The following MPP3 variants were observed in gnomAD, a reference collection of about 807,000 sequenced individuals.
The protein encoded by MPP3 is MAGUK p55 scaffold protein 3.
Under a neutral mutation model 80.7 loss-of-function variants are expected in MPP3, and 48 were observed. The observed-to-expected ratio is 0.59, with a 90% confidence interval of 0.47 to 0.76. The LOEUF (loss-of-function observed/expected upper bound fraction) is 0.76. Ranked by LOEUF, MPP3 falls within the 30% of genes least tolerant of loss-of-function variation. MPP3 has a pLI of 0.00. For missense variants in MPP3, 620 were observed against 763.0 expected, an observed-to-expected ratio of 0.81 and a Z score of 2.21; for synonymous variants, 311 against 297.6, an observed-to-expected ratio of 1.04 and a Z score of -0.46.
Position 43,830,126 on chromosome 17 carries a change from G to T in MPP3, c.223-19C>A, listed in dbSNP as rs191175863. 32 of 1,510,946 alleles carry T rather than the reference G, an allele frequency of 2.1e-5. No individual in the cohort carries two copies. Among genetic ancestry groups the T allele is most frequent in the African/African-American group, 1.4e-5 (1 of 71,620 alleles). 93.6% of individuals were successfully genotyped at this position (1,510,946 alleles called of 1,614,324 possible). Reference sequence around the variant, plus strand: ...CCATCACCTGCAGAGAATGAGACAGGCGCCACTGATGGCTAGAGGTGCCCC... The same window carrying T: ...CCATCACCTGCAGAGAATGAGACAGTCGCCACTGATGGCTAGAGGTGCCCC... On this transcript the variant is annotated intron_variant, in intron 5 of 19. Transcript: ENST00000398389.
rs1341628948 is a variant in MPP3 at position 43,814,311 on chromosome 17, A to G, written c.1060T>C (p.Ser354Pro). The G allele has an allele frequency of 6.2e-7, 1 of 1,611,344 alleles. No homozygotes were observed. The change falls in exon 15 of 20, where the codon TCG (serine) becomes CCG (proline). Residue 354 changes from serine to proline, a missense_variant. Ser to Pro is a moderately conservative substitution (Grantham distance 74, BLOSUM62 -1). Coordinates refer to ENST00000398389, the MANE Select transcript of MPP3 (RefSeq NM_001932.6). ...RLGCRERLGG[S>P]QEGKMSSGAE... ...CCGGAGGACATCTTTCCTTCCTGCG[A>G]GCCACCCAGTCTCTCCCTACAGCCC... is the stretch of plus-strand genomic sequence containing the variant.
chr17:43,818,723 G>A (rs994953483), intron 11 of MPP3, among the ~76,000 whole-genome samples: 3 of 152,004 alleles, frequency 2.0e-5, no homozygotes, highest in South Asian at 2.1e-4. Context: ...TCAGGAGTTC[G>A]AGACCAGCCT....
Position 43,816,294 on chromosome 17 carries a change from C to G in MPP3, c.968-215G>C, listed in dbSNP as rs923055017. ...TTAGGCCCCTAACAGCCTTTCCAGG[C>G]CCTGAGGGGGATTCTAGGCCAGCAG... On this transcript the variant is annotated intron_variant, in intron 13 of 19. Coordinates refer to ENST00000398389, the MANE Select transcript of MPP3 (RefSeq NM_001932.6). 3.9e-5 allele frequency among the ~76,000 whole-genome samples: 6 copies of G among 152,214 alleles called. No individual in the cohort carries two copies. In the East Asian group the frequency reaches 1.2e-3, roughly 29 times the overall value.
chr17:43,819,499 C>A (rs575017958), intron 11 of MPP3, among the ~76,000 whole-genome samples: 119 of 152,342 alleles, frequency 7.8e-4, no homozygotes, highest in African/African-American at 2.8e-3. Flanking sequence ...GAGGGCGCAG[C>A]CTCCTAATAT....
chr17:43,815,998 G>C (rs1421924345), intron 14 of MPP3, 40 bp downstream of exon 14: 14 of 1,464,370 alleles, frequency 9.6e-6, no homozygotes, highest in Non-Finnish European at 1.3e-5. Context: ...GCCTTGGGTG[G>C]GGCAGGTCGT....
At chr17:43,826,601 G>A (rs1345055737) in intron 8 of MPP3, among the ~76,000 whole-genome samples, 1 of 152,060 alleles carries the variant, frequency 6.6e-6, no homozygotes, top group Non-Finnish European at 1.5e-5. Flanking sequence ...CCACACACCG[G>A]TGATTCTCAA....
chr17:43,828,503 A>T (rs2045817392), intron 7 of MPP3, among the ~76,000 whole-genome samples: 1 of 152,214 alleles, frequency 6.6e-6, no homozygotes, highest in Non-Finnish European at 1.5e-5. Context: ...AAGCATGTGG[A>T]CTTAACAAGG....
chr17:43,811,068 C>CTT (rs770435903), intron 17 of MPP3, 44 bp downstream of exon 17: 1 of 1,567,312 alleles, frequency 6.4e-7, no homozygotes, highest in Non-Finnish European at 8.8e-7. Flanking sequence ...GATACAAAAA[C>CTT]ACACAACTGC....
rs527564895 is a variant in MPP3 at position 43,827,812 on chromosome 17, G to T, written c.462C>A (p.Asp154Glu). The change falls in exon 8 of 20, where the codon GAC becomes GAA. Residue 154 changes from aspartate (D) to glutamate (E), a missense_variant. Coordinates refer to ENST00000398389, the MANE Select transcript of MPP3 (RefSeq NM_001932.6). ...KEPLGATIRR[D>E]EHSGAVVVAR... The stretch of plus-strand genomic sequence containing the variant: ...CCACCACAACAGCCCCTGAGTGCTC[G>T]TCCCGCCGGATGGTGGCACCCTGAA... 23 of 1,613,168 alleles carry T rather than the reference G, an allele frequency of 1.4e-5. No homozygotes were observed. The South Asian group carries it at 2.2e-4, about 15-fold the overall frequency.
chr17:43,816,722 G>A (rs758937609), intron 12 of MPP3, 25 bp from the exon 13 acceptor site: 146 of 1,569,504 alleles, frequency 9.3e-5, no homozygotes, highest in Non-Finnish European at 1.2e-4. Context: ...AAAGACAGAT[G>A]GAACAGCATT....
At position 43,831,244 on chromosome 17, in the gene MPP3, G is replaced by T. The variant is rs781105702; in HGVS notation, c.222C>A (p.Asp74Glu). ...VLHSAVALAE[D>E]VMEELQAASV... is the part of the protein sequence containing the mutation. ...CTGTAAGGAGAAACCTGGGGCTTAC[G>T]TCCTCAGCGAGGGCCACAGCGCTGT... Residue 74 changes from aspartate to glutamate, a missense_variant and splice_region_variant, in exon 5 of 20, where the codon GAC (aspartate) becomes GAA (glutamate). Asp to Glu is a conservative substitution (Grantham distance 45). Coordinates refer to ENST00000398389, the MANE Select transcript of MPP3 (RefSeq NM_001932.6). 6.2e-7 allele frequency: 1 copy of T among 1,613,960 alleles called. No individual in the cohort carries two copies. The highest frequency in any genetic ancestry group is 1.1e-5 in the South Asian group (1 of 91,076).
chr17:43,815,708 C>T, intron 14 of MPP3: 1 of 516,142 alleles, frequency 1.9e-6, no homozygotes, highest in Non-Finnish European at 3.6e-6. Context: ...GCCGCAAACA[C>T]CCCTCACTGC....
At chr17:43,827,456 T>C (rs141992771) in intron 8 of MPP3, among the ~76,000 whole-genome samples, 3,642 of 151,744 alleles carry the variant, frequency 0.024, 118 homozygotes, top group African/African-American at 0.071. Flanking sequence ...GGTTTCGCCA[T>C]GTTGGCTAGG....
intron 5 of MPP3, among the ~76,000 whole-genome samples, 169 bp downstream of exon 5, chr17:43,831,075 G>C (rs558504917): frequency 1.3e-5 from 2 of 152,126 alleles, no homozygotes; most frequent in Admixed American, 1.3e-4. Context: ...CCTACCTTTC[G>C]GGGAACCCAG....
At chr17:43,808,619 G>A (rs1055357438) in intron 19 of MPP3, among the ~76,000 whole-genome samples, 7 of 152,230 alleles carry the variant, frequency 4.6e-5, no homozygotes, top group African/African-American at 1.4e-4. Context: ...TGGCCTAGGA[G>A]TATAGTTTGA....
In MPP3 at chr17:43,816,527, C is replaced by G. The variant is rs1598341689; in HGVS notation, c.967+150G>C. 5 of 786,414 alleles carry G rather than the reference C, an allele frequency of 6.4e-6. No individual in the cohort carries two copies. In the Admixed American group the frequency reaches 8.5e-5, roughly 13 times the overall value. 48.7% of individuals were successfully genotyped at this position (786,414 alleles called of 1,614,324 possible). ...CAGCTTTGCCTGCCTCAAGGAACAG[C>G]CCAGTCCAGCTGGCAGAGCAGGAAG... On this transcript the variant is annotated intron_variant, in intron 13 of 19. Transcript: ENST00000398389.
Position 43,814,010 on chromosome 17 carries a change from C to T in MPP3, c.1255+1G>A, listed in dbSNP as rs776636730. On this transcript the variant is annotated splice_donor_variant, in intron 16 of 19. Coordinates refer to ENST00000398389, the MANE Select transcript of MPP3 (RefSeq NM_001932.6). LOFTEE classifies it high-confidence loss of function. ...ACACACTCCCACATGGGCCCTCTTA[C>T]GTGGAACAGCGACGCCAAAGTGCTG... 7.5e-6 allele frequency: 12 copies of T among 1,610,122 alleles called. No homozygotes were observed. Among genetic ancestry groups the T allele is most frequent in the East Asian group, 2.2e-5 (1 of 44,804 alleles).
chr17:43,814,175 G>A, intron 15 of MPP3, 22 bp downstream of exon 15: 1 of 1,610,300 alleles, frequency 6.2e-7, no homozygotes, highest in Non-Finnish European at 8.5e-7. Flanking sequence ...ATCACTTCCT[G>A]GAAACCCAGG....
chr17:43,825,635 T>A (rs1009666481), intron 9 of MPP3, 121 bp downstream of exon 9: 2 of 698,508 alleles, frequency 2.9e-6, no homozygotes, highest in African/African-American at 3.5e-5. Flanking sequence ...TAAGGCCACT[T>A]TGCCTGCCAC....
Sources: gnomAD v4.1 joint callset for allele counts (sites outside exome capture counted in the v4.1 genomes callset) on GRCh38, gnomAD v4.1.1 for gene constraint, MANE v1.5 for transcripts, NCBI Gene and HGNC (gene_info 2026-07-23, HGNC 2026-07-21) for gene names.